ANKRD30A: variants seen among roughly 807,000 people sequenced by gnomAD.
ANKRD30A encodes ankyrin repeat domain-containing protein 30A.
A neutral mutation model predicts 166.3 loss-of-function variants in ANKRD30A; 170 were observed. The ratio of observed to expected loss-of-function variants is 1.02; its 90% confidence interval spans 0.90 to 1.16. The LOEUF is 1.16. Among genes scored for constraint, ANKRD30A ranks in the 50% most tolerant of loss-of-function variants. The pLI is 0.00. For missense variants in ANKRD30A, 1,630 were observed against 1,518.0 expected (o/e 1.07, Z -1.23); for synonymous variants, 564 against 508.9 (o/e 1.11, Z -1.46).
In ANKRD30A at chr10:37,219,847, C is replaced by G. The variant is rs533501860; in HGVS notation, c.4135C>G (p.His1379Asp). The change falls in exon 34 of 36, where the codon CAT becomes GAT. Residue 1379 changes from histidine (H) to aspartate (D), a missense_variant. Transcript: ENST00000361713. ...KNEEIFNYNN[H>D]LKNRIYQYEK... ...TGAGGAGATATTTAATTACAATAAC[C>G]ATTTAAAAAACCGTATATATCAATA... The G allele has an allele frequency of 8.9e-6, 14 of 1,581,848 alleles. No homozygotes were observed. Among genetic ancestry groups the G allele is most frequent in the Middle Eastern group, 1.7e-4 (1 of 5,922 alleles).
chr10:37,218,989 A>G lies in ANKRD30A; in HGVS notation c.3277A>G (p.Thr1093Ala). Residue 1093 changes from threonine (T) to alanine (A), a missense_variant, in exon 34 of 36, where the codon ACT becomes GCT. This residue lies in a region of ANKRD30A where 712 missense variants were observed against 629.3 expected (regional missense o/e 1.13). Transcript: ENST00000361713. The stretch of plus-strand genomic sequence containing the variant: ...ATTTTGTTTTATTTAGGTTTCTCAC[A>G]CTCATGAAAATGAAAATTATCTCTT... ...VESNLNQVSH[T>A]HENENYLLHE... The G allele has an allele frequency of 6.3e-7, 1 of 1,580,426 alleles. No individual in the cohort carries two copies. The highest frequency in any genetic ancestry group is 8.6e-7 in the Non-Finnish European group (1 of 1,166,410).
At chr10:37,132,591 C>T (rs189641226) in intron 4 of ANKRD30A, among the ~76,000 whole-genome samples, 23 of 152,274 alleles carry the variant, frequency 1.5e-4, no homozygotes, top group Admixed American at 1.5e-3. Context: ...GCATTATCTT[C>T]TAAAGTGGTT....
At chr10:37,202,386 T>C (rs1448592958) in intron 31 of ANKRD30A, among the ~76,000 whole-genome samples, 1 of 152,116 alleles carries the variant, frequency 6.6e-6, no homozygotes, top group Non-Finnish European at 1.5e-5. Context: ...CCAGAATGAC[T>C]ACTGGGTACA....
At chr10:37,217,612 A>C (rs1842668592) in intron 32 of ANKRD30A, 83 bp from the exon 33 acceptor site, 1 of 1,148,818 alleles carries the variant, frequency 8.7e-7, no homozygotes, top group Non-Finnish European at 1.2e-6. Context: ...TGGACTAATA[A>C]CCCAATATAG....
chr10:37,190,312 G>T (rs952677467), intron 25 of ANKRD30A, among the ~76,000 whole-genome samples: 5 of 151,800 alleles, frequency 3.3e-5, no homozygotes, highest in Admixed American at 1.3e-4. Context: ...GCTCTGGGTT[G>T]CAAGAGGAGA....
intron 6 of ANKRD30A, among the ~76,000 whole-genome samples, chr10:37,140,813 A>G (rs899606371): frequency 1.2e-4 from 18 of 152,202 alleles, no homozygotes; most frequent in Admixed American, 1.1e-3. Context: ...ATATGGGCAT[A>G]TCTTTATTAT....
chr10:37,153,697 C>T (rs763959351), intron 13 of ANKRD30A, 35 bp downstream of exon 13: 52 of 1,606,952 alleles, frequency 3.2e-5, no homozygotes, highest in East Asian at 6.7e-5. Flanking sequence ...ATCAGTTGAC[C>T]GAATATTTCT....
At chr10:37,236,835 T>A (rs898668622), downstream of ANKRD30A, among the ~76,000 whole-genome samples, 1 of 152,234 alleles carries the variant, frequency 6.6e-6, no homozygotes, top group Non-Finnish European at 1.5e-5. Context: ...AAGTCCTATT[T>A]GGAGAAAATT....
chr10:37,224,065 CAG>C (rs939119852), intron 34 of ANKRD30A, among the ~76,000 whole-genome samples: 5 of 151,140 alleles, frequency 3.3e-5, no homozygotes, highest in Admixed American at 1.3e-4. Flanking sequence ...AATGTTTTTT[CAG>C]AGTCACAGCA....
At chr10:37,166,164 T>A (rs776659629) in intron 18 of ANKRD30A, among the ~76,000 whole-genome samples, 3 of 152,150 alleles carry the variant, frequency 2.0e-5, no homozygotes, top group Non-Finnish European at 4.4e-5. Flanking sequence ...CATGCATGAT[T>A]TTTAACACTA....
intron 31 of ANKRD30A, among the ~76,000 whole-genome samples, chr10:37,214,367 T>C (rs1842496458): frequency 6.6e-6 from 1 of 151,376 alleles, no homozygotes; most frequent in South Asian, 2.1e-4. Flanking sequence ...AATCTGCTTT[T>C]GAGCAGAGGT....
chr10:37,213,412 C>G (rs1310597762), intron 31 of ANKRD30A, among the ~76,000 whole-genome samples: 1 of 151,682 alleles, frequency 6.6e-6, no homozygotes. Flanking sequence ...AATTACATCC[C>G]AAAACTCCTA....
Position 37,201,312 on chromosome 10 carries a change from T to A in ANKRD30A, c.2856T>A (p.Ser952Arg). The change falls in exon 31 of 36, where the codon AGT becomes AGA. Residue 952 changes from serine (S) to arginine (R), a missense_variant. Coordinates refer to ENST00000361713, the MANE Select transcript of ANKRD30A (RefSeq NM_052997.3). Reference protein sequence around the residue: ...ATHQKEMDKISGKLEDSTSLS... With the variant: ...ATHQKEMDKIRGKLEDSTSLS... ...ATCAAAAAGAAATGGATAAAATAAG[T>A]GGAAAATTAGAAGGTAAGAACCATC... 1 of 1,584,668 alleles carries A rather than the reference T, an allele frequency of 6.3e-7. No homozygotes were observed.
At chr10:37,150,841 G>T (rs920265828) in intron 11 of ANKRD30A, among the ~76,000 whole-genome samples, 29 of 152,210 alleles carry the variant, frequency 1.9e-4, no homozygotes, top group African/African-American at 5.5e-4. Flanking sequence ...TTAGGTATTA[G>T]AAACTAAAAG....
intron 34 of ANKRD30A, among the ~76,000 whole-genome samples, chr10:37,228,439 G>A (rs1366850844): frequency 2.0e-5 from 3 of 151,880 alleles, no homozygotes; most frequent in Non-Finnish European, 2.9e-5. Context: ...TTTTCTCATT[G>A]AAGAAAGGAA....
At chr10:37,260,556 G>T in the ANKRD30A span, among the ~76,000 whole-genome samples, 39 of 152,304 alleles carry the variant, frequency 2.6e-4, no homozygotes, top group African/African-American at 8.9e-4. Flanking sequence ...GAAAGTGTGT[G>T]CCTAGAAGCT....
chr10:37,164,451 T>C (rs1356580693), intron 17 of ANKRD30A, among the ~76,000 whole-genome samples: 1 of 151,854 alleles, frequency 6.6e-6, no homozygotes, highest in Non-Finnish European at 1.5e-5. Flanking sequence ...ACTCTGAAGA[T>C]ATTGTTGCAT....
chr10:37,238,677 G>A, the ANKRD30A span, among the ~76,000 whole-genome samples: 2 of 152,148 alleles, frequency 1.3e-5, no homozygotes, highest in Non-Finnish European at 2.9e-5. Flanking sequence ...TCTATTACAT[G>A]TAGGAATTAA....
chr10:37,238,790 G>A, the ANKRD30A span, among the ~76,000 whole-genome samples: 1 of 152,030 alleles, frequency 6.6e-6, no homozygotes, highest in Non-Finnish European at 1.5e-5. Context: ...GTTTATTAAA[G>A]GTAATATAAT....
Sources: gnomAD v4.1 joint callset for allele counts (sites outside exome capture counted in the v4.1 genomes callset) on GRCh38, gnomAD v4.1.1 for gene constraint, gnomAD v4.1.1 regional missense constraint, MANE v1.5 for transcripts, NCBI Gene and HGNC (gene_info 2026-07-23, HGNC 2026-07-21) for gene names.